The following MYCBP2 variants were observed in gnomAD, a reference collection of about 807,000 sequenced individuals.
The protein encoded by MYCBP2 is MYC binding protein 2, also known as E3 ubiquitin-protein ligase MYCBP2.
Under a neutral mutation model 525.3 loss-of-function variants are expected in MYCBP2, and 120 were observed. That is an observed-to-expected ratio of 0.23 (90% CI 0.20 to 0.27). The LOEUF (loss-of-function observed/expected upper bound fraction) is 0.27. Among genes scored for constraint, MYCBP2 ranks in the 10% least tolerant of loss-of-function variants. The pLI is 1.00. For synonymous variants in MYCBP2, 1,894 were observed against 1,955.8 expected (o/e 0.97, Z 0.83); for missense variants, 4,149 against 5,657.1 (o/e 0.73, Z 8.55).
chr13:77,096,774 GACAAT>G (rs1215392631), intron 56 of MYCBP2, among the ~76,000 whole-genome samples: 2 of 151,906 alleles, frequency 1.3e-5, no homozygotes, highest in African/African-American at 2.4e-5. Flanking sequence ...AATAAAATTA[GACAAT>G]ACAAGTATAA....
intron 39 of MYCBP2, among the ~76,000 whole-genome samples, chr13:77,169,026 GT>G (rs2058838925): frequency 6.6e-6 from 1 of 152,128 alleles, no homozygotes; most frequent in Non-Finnish European, 1.5e-5. Context: ...CCTCATAAAT[GT>G]GAAAAACCTC....
chr13:77,276,816 G>GT (rs397851660), intron 4 of MYCBP2, among the ~76,000 whole-genome samples: 39,531 of 76,420 alleles, frequency 0.52, 8,531 homozygotes, highest in Admixed American at 0.61. Flanking sequence ...TCCATGCCCA[G>GT]TTTTTTTTTT....
chr13:77,089,150 C>A (rs2044895147), intron 60 of MYCBP2, 119 bp from the exon 61 acceptor site: 1 of 723,718 alleles, frequency 1.4e-6, no homozygotes, highest in Non-Finnish European at 2.1e-6. Flanking sequence ...TGACACAAAT[C>A]ATAACAATTT....
At chr13:77,140,319 TAAC>T (rs1195053064) in intron 50 of MYCBP2, among the ~76,000 whole-genome samples, 156 bp from the exon 51 acceptor site, 1 of 152,178 alleles carries the variant, frequency 6.6e-6, no homozygotes, top group Non-Finnish European at 1.5e-5. Flanking sequence ...AATAACAGTA[TAAC>T]AACACTAACA....
Position 77,104,185 on chromosome 13 carries a change from T to C in MYCBP2, c.8141-5172A>G, listed in dbSNP as rs542569191. Reference sequence around the variant, plus strand: ...GAAATAAATTCAGGTAGTAAGGAGATAGTTGTCTTAGTATTATTGAAATAA... The same window carrying C: ...GAAATAAATTCAGGTAGTAAGGAGACAGTTGTCTTAGTATTATTGAAATAA... On this transcript the variant is annotated intron_variant, in intron 55 of 82. Transcript: ENST00000544440. 1.2e-4 allele frequency among the ~76,000 whole-genome samples: 18 copies of C among 152,188 alleles called. No homozygotes were observed. In the South Asian group the frequency reaches 3.7e-3, roughly 32 times the overall value.
rs534816639 is a variant in MYCBP2 at position 77,160,719 on chromosome 13, T to C, written c.6597+1187A>G. 2.6e-5 allele frequency among the ~76,000 whole-genome samples: 4 copies of C among 152,328 alleles called. No individual in the cohort carries two copies. The East Asian group carries it at 7.7e-4, about 29-fold the overall frequency. On this transcript the variant is annotated intron_variant, in intron 44 of 82. Transcript: ENST00000544440. ...ATTTAAATCACTATTACTAACTACA[T>C]ATACCTAGTATAGAAAATAAGTATG... is the stretch of plus-strand genomic sequence containing the variant.
At chr13:77,222,076 T>A (rs1413766754) in intron 20 of MYCBP2, among the ~76,000 whole-genome samples, 1 of 152,144 alleles carries the variant, frequency 6.6e-6, no homozygotes, top group Non-Finnish European at 1.5e-5. Context: ...CCTAACTATG[T>A]TTTCTGTCAA....
rs1004759315 is a variant in MYCBP2, at chr13:77,169,517, T to TCAAAGATG, written c.5895+89_5895+96dup. ...GCTTGTTACCTATATCCCAGATGCCTCAAAGATGCAAGTTTTTGTAAAGAC... is the reference window on the plus strand; with the variant it reads ...GCTTGTTACCTATATCCCAGATGCCTCAAAGATGCAAAGATGCAAGTTTTTGTAAAGAC... On this transcript the variant is annotated intron_variant, in intron 39 of 82. Coordinates refer to ENST00000544440, the MANE Select transcript of MYCBP2 (RefSeq NM_015057.5). The TCAAAGATG allele has an allele frequency of 6.5e-5, 64 of 979,948 alleles. No individual in the cohort carries two copies. In the African/African-American group the frequency reaches 1.1e-3, roughly 16 times the overall value. The allele number at this position is 979,948 out of a possible 1,614,324, so 60.7% of individuals were successfully genotyped here.
At chr13:77,077,568 A>C in intron 66 of MYCBP2, 181 bp from the exon 67 acceptor site, 1 of 671,546 alleles carries the variant, frequency 1.5e-6, no homozygotes. Context: ...TATTATTTAT[A>C]GTAGCTATTA....
At position 77,206,712 on chromosome 13, in the gene MYCBP2, G is replaced by C; in HGVS notation, c.3530C>G (p.Ala1177Gly). The change falls in exon 24 of 83, where the codon GCC becomes GGC. Residue 1177 changes from alanine to glycine, a missense_variant. By Grantham distance (60) the Ala-to-Gly change is moderately conservative. Transcript: ENST00000544440. ...GAGGGCCCTTGATCCTGTTGGTAAG[G>C]CAAGTTCAGGACTTAGGATACTACA... ...SRCSILSPEL[A>G]LPTGSRALTT... is the part of the protein sequence containing the mutation. 2.5e-6 allele frequency: 4 copies of C among 1,611,546 alleles called. No individual in the cohort carries two copies. The highest frequency in any genetic ancestry group is 3.4e-6 in the Non-Finnish European group (4 of 1,178,642).
chr13:77,261,066 G>T, intron 12 of MYCBP2, 105 bp downstream of exon 12: 3 of 784,218 alleles, frequency 3.8e-6, no homozygotes, highest in Non-Finnish European at 6.0e-6. Flanking sequence ...ATATAAAGTT[G>T]GTGTGGTGTT....
chr13:77,205,107 T>G, intron 26 of MYCBP2, 149 bp downstream of exon 26: 3 of 571,214 alleles, frequency 5.3e-6, no homozygotes, highest in Non-Finnish European at 7.9e-6. Context: ...TTAGCAATGT[T>G]TTCTCTATCG....
At chr13:77,203,839 C>A (rs1037048652) in intron 26 of MYCBP2, among the ~76,000 whole-genome samples, 148 of 151,902 alleles carry the variant, frequency 9.7e-4, no homozygotes, top group African/African-American at 3.2e-3. Flanking sequence ...AACTGGCTAG[C>A]CATATGTAGA....
chr13:77,149,621 C>T (rs1309549215), intron 47 of MYCBP2, among the ~76,000 whole-genome samples: 1 of 152,182 alleles, frequency 6.6e-6, no homozygotes, highest in Non-Finnish European at 1.5e-5. Flanking sequence ...TTGTTTTATA[C>T]ATCTTCACGT....
chr13:77,295,132 T>TTTTA (rs1367977533), intron 2 of MYCBP2, among the ~76,000 whole-genome samples: 3 of 152,142 alleles, frequency 2.0e-5, no homozygotes, highest in Non-Finnish European at 2.9e-5. Flanking sequence ...GTTTGATTAT[T>TTTTA]TTTATTTATT....
chr13:77,309,604 G>C (rs1378100948), intron 1 of MYCBP2, among the ~76,000 whole-genome samples: 1 of 152,086 alleles, frequency 6.6e-6, no homozygotes, highest in Admixed American at 6.5e-5. Context: ...ATTTGCACTT[G>C]AGATCTAGTC....
chr13:77,174,275 G>A (rs761213694), intron 37 of MYCBP2, 36 bp downstream of exon 37: 115 of 1,602,784 alleles, frequency 7.2e-5, no homozygotes, highest in Non-Finnish European at 9.6e-5. Flanking sequence ...TTCTACCACT[G>A]TAAAGTATTT....
At chr13:77,233,105 T>A (rs376425526) in intron 18 of MYCBP2, 51 bp downstream of exon 18, 15 of 1,477,654 alleles carry the variant, frequency 1.0e-5, no homozygotes, top group Non-Finnish European at 1.4e-5. Flanking sequence ...TTCAAATGAG[T>A]GGAAGAAATT....
intron 20 of MYCBP2, among the ~76,000 whole-genome samples, chr13:77,222,188 A>G (rs2065682866): frequency 6.6e-6 from 1 of 152,230 alleles, no homozygotes; most frequent in East Asian, 1.9e-4. Context: ...ACTCAATTGC[A>G]AAGCAAAATA....
Sources: gnomAD v4.1 joint callset for allele counts (sites outside exome capture counted in the v4.1 genomes callset) on GRCh38, gnomAD v4.1.1 for gene constraint, MANE v1.5 for transcripts, NCBI Gene and HGNC (gene_info 2026-07-23, HGNC 2026-07-21) for gene names.